The following SLC30A9 variants were observed in gnomAD, a reference collection of about 807,000 sequenced individuals.
The protein encoded by SLC30A9 is solute carrier family 30 member 9.
Under a neutral mutation model 87.5 loss-of-function variants are expected in SLC30A9, and 58 were observed. The observed-to-expected ratio is 0.66, with a 90% CI of 0.54 to 0.82. The LOEUF is 0.82. Among genes scored for constraint, SLC30A9 ranks in the 40% least tolerant of loss-of-function variants. The pLI is 0.00. For missense variants in SLC30A9, 557 were observed against 679.1 expected, an observed-to-expected ratio of 0.82 and a Z score of 2.00; for synonymous variants, 234 against 233.0, an observed-to-expected ratio of 1.00 and a Z score of -0.04.
chr4:42,070,835 C>A, intron 15 of SLC30A9, 144 bp downstream of exon 15: 1 of 574,354 alleles, frequency 1.7e-6, no homozygotes, highest in Non-Finnish European at 2.9e-6. Context: ...GAATTATAAT[C>A]CTGGAAGTAA....
In SLC30A9 at chr4:42,001,753, G is replaced by A. The variant is rs911378047; in HGVS notation, c.247G>A (p.Val83Met). 1 of 1,609,634 alleles carries A rather than the reference G, an allele frequency of 6.2e-7. No individual in the cohort carries two copies. Among genetic ancestry groups the A allele is most frequent in the African/African-American group, 1.3e-5 (1 of 74,700 alleles). ...AGGACAGGGATCACAAACACTCAGAGTGGAAAAAGTACCATCATTTGAAAC... is the reference window on the plus strand; with the variant it reads ...AGGACAGGGATCACAAACACTCAGAATGGAAAAAGTACCATCATTTGAAAC... ...KEGQGSQTLR[V>M]EKVPSFETAE... Residue 83 changes from valine (V) to methionine (M), a missense_variant, in exon 2 of 18, where the codon GTG becomes ATG. Val to Met is a conservative substitution (Grantham distance 21). Coordinates refer to ENST00000264451, the MANE Select transcript of SLC30A9 (RefSeq NM_006345.4).
intron 6 of SLC30A9, among the ~76,000 whole-genome samples, chr4:42,028,090 T>C (rs1716265226): frequency 6.6e-6 from 1 of 152,234 alleles, no homozygotes; most frequent in African/African-American, 2.4e-5. Context: ...GAATAGTGTA[T>C]GTGGAGCAAC....
At chr4:42,064,294 G>A (rs17530357) in intron 11 of SLC30A9, among the ~76,000 whole-genome samples, 12,432 of 152,180 alleles carry the variant, frequency 0.082, 759 homozygotes, top group Non-Finnish European at 0.13. Flanking sequence ...TGCAAGGCCT[G>A]AATAGATGGT....
At chr4:42,029,915 C>T (rs1188786357) in intron 6 of SLC30A9, 4 of 735,758 alleles carry the variant, frequency 5.4e-6, no homozygotes, top group Non-Finnish European at 7.4e-6. Context: ...GACTGGGCAC[C>T]TACCTTGGTT....
intron 6 of SLC30A9, chr4:42,029,309 A>C (rs1464574895): frequency 1.3e-4 from 66 of 503,788 alleles, no homozygotes; most frequent in Non-Finnish European, 1.2e-5. Flanking sequence ...AGTTGGTTTA[A>C]GATCATTCTA....
chr4:42,073,571 C>T (rs993275936), intron 15 of SLC30A9, among the ~76,000 whole-genome samples: 3 of 152,096 alleles, frequency 2.0e-5, no homozygotes, highest in South Asian at 4.1e-4. Context: ...TCTGGGTCTT[C>T]GACTTCAGGG....
At chr4:42,018,462 A>G in intron 3 of SLC30A9, 1 of 1,234,014 alleles carries the variant, frequency 8.1e-7, no homozygotes, top group Non-Finnish European at 1.0e-6. Flanking sequence ...GCAATTAAAG[A>G]ACAAGAGGCC....
chr4:42,070,770 C>G, intron 15 of SLC30A9, 79 bp downstream of exon 15: 1 of 1,223,466 alleles, frequency 8.2e-7, no homozygotes, highest in Non-Finnish European at 1.1e-6. Flanking sequence ...GTAAATACTT[C>G]CAGAGGAAGT....
chr4:42,020,309 T>G (rs1199537015), intron 3 of SLC30A9, 107 bp from the exon 4 acceptor site: 14 of 558,818 alleles, frequency 2.5e-5, no homozygotes, highest in Non-Finnish European at 4.4e-5. Flanking sequence ...AAAAGATCAG[T>G]TTTCTGTGAA....
intron 6 of SLC30A9, among the ~76,000 whole-genome samples, chr4:42,034,589 G>T (rs952651126): frequency 1.3e-5 from 2 of 152,140 alleles, no homozygotes; most frequent in South Asian, 4.1e-4. Flanking sequence ...CCATGTTGTT[G>T]CATGTGACAG....
chr4:42,040,765 C>A (rs1716889099), intron 8 of SLC30A9, among the ~76,000 whole-genome samples: 1 of 135,066 alleles, frequency 7.4e-6, no homozygotes, highest in African/African-American at 2.8e-5. Flanking sequence ...CACTGCACTC[C>A]AGTCTGGGCG....
chr4:42,073,897 T>C (rs1023987604), intron 15 of SLC30A9, among the ~76,000 whole-genome samples: 3 of 152,196 alleles, frequency 2.0e-5, no homozygotes, highest in Admixed American at 6.5e-5. Context: ...GTGGCAGGGA[T>C]TGATCATATG....
chr4:42,037,196 C>G (rs1577700131), intron 7 of SLC30A9, among the ~76,000 whole-genome samples: 1 of 146,462 alleles, frequency 6.8e-6, no homozygotes, highest in Admixed American at 6.8e-5. Context: ...CTTTCCTTCT[C>G]TAAAACATAG....
chr4:42,039,158 G>T, intron 8 of SLC30A9, 105 bp downstream of exon 8: 2 of 843,808 alleles, frequency 2.4e-6, no homozygotes, highest in South Asian at 1.6e-5. Flanking sequence ...TAGAGTTTGA[G>T]GTTTATTTTG....
intron 2 of SLC30A9, among the ~76,000 whole-genome samples, chr4:42,003,316 T>A (rs969458774): frequency 1.3e-5 from 2 of 152,190 alleles, no homozygotes; most frequent in Admixed American, 6.5e-5. Flanking sequence ...GTGGTGTTTA[T>A]ACACATCAAT....
chr4:42,078,472 A>G (rs1718642934), intron 17 of SLC30A9, 147 bp downstream of exon 17: 1 of 484,338 alleles, frequency 2.1e-6, no homozygotes. Flanking sequence ...TAAGCAAGAA[A>G]ATGACTGGGT....
chr4:41,996,378 C>T (rs770190173), intron 1 of SLC30A9, among the ~76,000 whole-genome samples: 2 of 152,008 alleles, frequency 1.3e-5, no homozygotes, highest in Non-Finnish European at 2.9e-5. Flanking sequence ...CAGGCGTGAG[C>T]CACTGCACCT....
rs1718083468 is a variant in SLC30A9 at position 42,066,553 on chromosome 4, C to T, written c.1076C>T (p.Thr359Ile). The T allele has an allele frequency of 1.3e-6, 2 of 1,597,820 alleles. No individual in the cohort carries two copies. Among genetic ancestry groups the T allele is most frequent in the Non-Finnish European group, 1.7e-6 (2 of 1,169,958 alleles). ...LAGSLVSEGA[T>I]LLVAVNELRR... is the part of the protein sequence containing the mutation. ...GATATGAATGCTTTTCTTTTAGCAA[C>T]ACTTCTTGTTGCTGTAAATGAACTT... The change falls in exon 13 of 18, where the codon ACA becomes ATA. Residue 359 changes from threonine to isoleucine, a missense_variant. Physicochemically the swap from Thr to Ile is moderately conservative, Grantham distance 89. Around this residue, in one of 2 missense-constraint regions of SLC30A9, gnomAD observed 467 missense variants for 529.8 expected, o/e 0.88. Transcript: ENST00000264451.
At chr4:42,007,447 G>A (rs919460811) in intron 2 of SLC30A9, among the ~76,000 whole-genome samples, 2 of 152,114 alleles carry the variant, frequency 1.3e-5, no homozygotes, top group South Asian at 2.1e-4. Context: ...TCACTGCATC[G>A]TCTGTTAAAA....
Sources: gnomAD v4.1 joint callset for allele counts (sites outside exome capture counted in the v4.1 genomes callset) on GRCh38, gnomAD v4.1.1 for gene constraint, gnomAD v4.1.1 regional missense constraint, MANE v1.5 for transcripts, NCBI Gene and HGNC (gene_info 2026-07-23, HGNC 2026-07-21) for gene names.